DMD: variants seen among roughly 807,000 people sequenced by gnomAD.
DMD encodes the protein mutant dystrophin.
A neutral mutation model predicts 330.1 loss-of-function variants in DMD; 63 were observed. The ratio of observed to expected loss-of-function variants is 0.19; its 90% CI spans 0.16 to 0.24. The LOEUF is 0.24. Ranked by LOEUF, DMD falls within the 10% of genes least tolerant of loss-of-function variation. The probability of loss-of-function intolerance (pLI) is 1.00; values close to 1 mark genes in which losing one functional copy is unlikely to be tolerated. For synonymous variants in DMD, 1,223 were observed against 959.8 expected, an observed-to-expected ratio of 1.27 and a Z score of -5.07; for missense variants, 3,344 against 2,684.1, an observed-to-expected ratio of 1.25 and a Z score of -5.43.
rs764589500 is a variant in DMD at position 31,381,267 on chromosome X, A to T, written c.9085-32633T>A. ...TGAAGTGCAGGGCTGTGCAGTCAGG[A>T]TTCTTACATAAGGACTGGGATCACG... On this transcript the variant is annotated intron_variant, in intron 60 of 78. Coordinates refer to ENST00000357033, the MANE Select transcript of DMD (RefSeq NM_004006.3). Among the ~76,000 whole-genome samples the T allele has an allele frequency of 2.7e-5, 3 of 111,004 alleles. No homozygotes were observed. In the East Asian group the frequency reaches 8.5e-4, roughly 31 times the overall value.
chrX:32,169,932 G>C (rs1291333792), intron 44 of DMD, among the ~76,000 whole-genome samples: 1 of 111,430 alleles, frequency 9.0e-6, no homozygotes, highest in African/African-American at 3.3e-5. Context: ...AAAACTCACT[G>C]TCTTCTCAAT....
At chrX:32,281,068 C>T (rs1210828204) in intron 43 of DMD, among the ~76,000 whole-genome samples, 1 of 112,083 alleles carries the variant, frequency 8.9e-6, no homozygotes, top group Non-Finnish European at 1.9e-5. Context: ...CAAATGGCAG[C>T]CAGAGCCTGT....
intron 30 of DMD, among the ~76,000 whole-genome samples, chrX:32,394,916 C>CAAAACAAAAAAAAAAAAAAAAAAAAA (rs2098030291): frequency 2.8e-4 from 11 of 39,029 alleles, no homozygotes; most frequent in Non-Finnish European, 4.5e-4. Flanking sequence ...AACAAAAAAA[C>CAAAACAAAAAAAAAAAAAAAAAAAAA]AAAAAAAAAA....
chrX:32,137,700 T>G (rs2096733639), intron 44 of DMD, among the ~76,000 whole-genome samples: 1 of 110,460 alleles, frequency 9.1e-6, no homozygotes, highest in South Asian at 3.9e-4. Flanking sequence ...AAAGCAAAGT[T>G]TTTGATTTCA....
rs1434371657 is a variant in DMD at position 31,507,439 on chromosome X, T to C, written c.8232A>G (p.Glu2744=). Residue 2744 remains glutamate, a synonymous_variant, in exon 56 of 79, where the codon GAA becomes GAG. Coordinates refer to ENST00000357033, the MANE Select transcript of DMD (RefSeq NM_004006.3). The part of the protein sequence containing the change: ...LMKQWQDLQG[E]IEAHTDVYHN... ...GATAAACATCTGTGTGAGCTTCAAT[T>C]TCACCTTGGAGGTCCTACAGGACAG... 8.3e-7 allele frequency: 1 copy of C among 1,206,413 alleles called. No homozygotes were observed. Among genetic ancestry groups the C allele is most frequent in the East Asian group, 3.0e-5 (1 of 33,774 alleles).
intron 53 of DMD, among the ~76,000 whole-genome samples, chrX:31,662,592 TTA>T (rs2081190509): frequency 8.9e-6 from 1 of 112,138 alleles, no homozygotes; most frequent in African/African-American, 3.2e-5. Context: ...GGGTGAACTA[TTA>T]CTTAAATTTT....
intron 4 of DMD, among the ~76,000 whole-genome samples, chrX:32,838,578 ATTC>A (rs1377992102): frequency 2.7e-4 from 30 of 111,896 alleles, no homozygotes; most frequent in Non-Finnish European, 5.6e-4. Context: ...ACATGAACTC[ATTC>A]TTTTTTTATG....
chrX:32,567,573 T>G (rs1471498681), intron 15 of DMD, among the ~76,000 whole-genome samples: 1 of 111,716 alleles, frequency 9.0e-6, no homozygotes, highest in Non-Finnish European at 1.9e-5. Flanking sequence ...TTTTTAAATT[T>G]TTAGAAGAGA....
intron 44 of DMD, among the ~76,000 whole-genome samples, chrX:32,168,003 C>A (rs1374378398): frequency 8.9e-6 from 1 of 112,543 alleles, no homozygotes; most frequent in Non-Finnish European, 1.9e-5. Flanking sequence ...ATGATTTATA[C>A]AAGATAAGCA....
chrX:32,071,608 C>T (rs373715739), intron 44 of DMD, among the ~76,000 whole-genome samples: 4 of 107,490 alleles, frequency 3.7e-5, no homozygotes, highest in East Asian at 6.0e-4. Flanking sequence ...TGTATACATA[C>T]GTAACAAACC....
At chrX:32,021,698 A>C (rs2095807121) in intron 44 of DMD, among the ~76,000 whole-genome samples, 1 of 112,507 alleles carries the variant, frequency 8.9e-6, no homozygotes, top group Admixed American at 9.4e-5. Flanking sequence ...ATACATAATT[A>C]GTAATTTTTA....
chrX:32,288,542 C>T (rs1368389400), intron 42 of DMD, among the ~76,000 whole-genome samples: 1 of 111,632 alleles, frequency 9.0e-6, no homozygotes, highest in Non-Finnish European at 1.9e-5. Flanking sequence ...GCTCTTTCCC[C>T]CCTACTGGAT....
intron 62 of DMD, among the ~76,000 whole-genome samples, chrX:31,304,920 T>G: frequency 9.0e-6 from 1 of 111,048 alleles, no homozygotes; most frequent in Non-Finnish European, 1.9e-5. Flanking sequence ...TACCTCAAAC[T>G]TAAACATGTC....
intron 1 of DMD, among the ~76,000 whole-genome samples, chrX:33,144,381 A>G (rs1303683694): frequency 9.0e-6 from 1 of 111,419 alleles, no homozygotes; most frequent in Admixed American, 9.6e-5. Flanking sequence ...GGGTGATTAT[A>G]GTTAACAATA....
intron 47 of DMD, among the ~76,000 whole-genome samples, chrX:31,906,084 G>A (rs773819249): frequency 3.7e-4 from 41 of 111,301 alleles, no homozygotes; most frequent in South Asian, 7.7e-4. Flanking sequence ...CACGGCGGGC[G>A]GTTACCCTCA....
At chrX:31,349,839 CAG>C (rs2058295134) in intron 60 of DMD, among the ~76,000 whole-genome samples, 1 of 111,805 alleles carries the variant, frequency 8.9e-6, no homozygotes, top group Admixed American at 9.5e-5. Flanking sequence ...AATCAGAACT[CAG>C]GGGGTAGTTC....
chrX:33,050,388 G>A (rs1479973866), intron 1 of DMD, among the ~76,000 whole-genome samples: 2 of 111,772 alleles, frequency 1.8e-5, no homozygotes, highest in Non-Finnish European at 3.8e-5. Flanking sequence ...AGTGGTGAGG[G>A]TGGGCTAGAA....
chrX:31,426,384 C>A (rs1366998471), intron 60 of DMD, among the ~76,000 whole-genome samples: 3 of 111,969 alleles, frequency 2.7e-5, no homozygotes, highest in African/African-American at 9.7e-5. Flanking sequence ...AACTGACATT[C>A]CATCTGCAAT....
rs1404205189 is a variant in DMD at position 31,209,677 on chromosome X, A to G, written c.9384T>C (p.Ala3128=). ...TGTGCTGGTCCAAGGCATCACATGC[A>G]GCTGACAGGCTCAAGAGATCCACTG... ...ALCLDLLSLS[A]ACDALDQHNL... is the part of the protein sequence containing the mutation. Residue 3128 remains alanine (A), a synonymous_variant, in exon 65 of 79, where the codon GCT becomes GCC. Coordinates refer to ENST00000357033, the MANE Select transcript of DMD (RefSeq NM_004006.3). 1.7e-6 allele frequency: 2 copies of G among 1,211,565 alleles called. No individual in the cohort carries two copies. Among genetic ancestry groups the G allele is most frequent in the Non-Finnish European group, 2.2e-6 (2 of 895,310 alleles).
Sources: allele counts gnomAD v4.1 joint callset (sites outside exome capture counted in the v4.1 genomes callset), GRCh38; gene constraint gnomAD v4.1.1; transcripts MANE v1.5; gene names NCBI Gene and HGNC (gene_info 2026-07-23, HGNC 2026-07-21).